Variants in PDGFA observed in about 807,000 individuals in gnomAD.
PDGFA encodes platelet derived growth factor subunit A, also known as platelet-derived growth factor subunit A.
In PDGFA, 9 loss-of-function variants were observed where a neutral mutation model predicts 25.6. The ratio of observed to expected loss-of-function variants is 0.35; its 90% CI spans 0.21 to 0.61. PDGFA has a LOEUF of 0.61. Ranked by LOEUF, PDGFA falls within the 20% of genes least tolerant of loss-of-function variation. The pLI, the probability that PDGFA is intolerant of heterozygous loss-of-function variation, is 0.75. For synonymous variants in PDGFA, 133 were observed against 111.8 expected (o/e 1.19, Z -1.20); for missense variants, 242 against 272.8 (o/e 0.89, Z 0.79).
chr7:502,616 G>A (rs1427627066), intron 4 of PDGFA, among the ~76,000 whole-genome samples: 1 of 152,170 alleles, frequency 6.6e-6, no homozygotes, highest in African/African-American at 2.4e-5. Context: ...TTGCCTGTCT[G>A]CGAGCCACGC....
At chr7:509,250 C>T (rs1021178781) in intron 4 of PDGFA, among the ~76,000 whole-genome samples, 4 of 152,208 alleles carry the variant, frequency 2.6e-5, no homozygotes, top group East Asian at 3.8e-4. Flanking sequence ...AAGGGGACGG[C>T]GTTAGGAGGT....
At chr7:504,201 C>A (rs1252439438) in intron 4 of PDGFA, among the ~76,000 whole-genome samples, 1 of 152,150 alleles carries the variant, frequency 6.6e-6, no homozygotes, top group East Asian at 1.9e-4. Flanking sequence ...ACCAACCCAC[C>A]CCCTGGTCCC....
intron 4 of PDGFA, among the ~76,000 whole-genome samples, chr7:502,022 C>T (rs1782361668): frequency 6.6e-6 from 1 of 152,110 alleles, no homozygotes; most frequent in Non-Finnish European, 1.5e-5. Flanking sequence ...TCCAGGGGTT[C>T]AAGACCAGCC....
chr7:499,720 T>TTCCCCCCCCCCCC (rs1562483075), intron 5 of PDGFA, among the ~76,000 whole-genome samples: 1 of 23,050 alleles, frequency 4.3e-5, no homozygotes, highest in Non-Finnish European at 8.4e-5. Context: ...ATTTTGCCCT[T>TTCCCCCCCCCCCC]CCCCCCCCCC....
chr7:519,902 G>GCC (rs1562495860), upstream of PDGFA: 3 of 50,958 alleles, frequency 5.9e-5, no homozygotes, highest in African/African-American at 9.1e-5. Context: ...CCCCTCCCCC[G>GCC]CCCCCGCCCC....
intron 4 of PDGFA, among the ~76,000 whole-genome samples, chr7:508,348 T>C (rs754228607): frequency 1.6e-4 from 24 of 151,824 alleles, no homozygotes; most frequent in Non-Finnish European, 3.4e-4. Flanking sequence ...CTCAGCTGAC[T>C]TGAGCCCAGG....
chr7:508,746 G>A (rs1410524837), intron 4 of PDGFA, among the ~76,000 whole-genome samples: 1 of 151,986 alleles, frequency 6.6e-6, no homozygotes, highest in Non-Finnish European at 1.5e-5. Flanking sequence ...AGTTTCCAGG[G>A]AGAAGAGCCC....
At chr7:501,019 A>G (rs755888466) in intron 5 of PDGFA, 97 bp downstream of exon 5, 4 of 1,609,266 alleles carry the variant, frequency 2.5e-6, no homozygotes, top group Admixed American at 1.7e-5. Context: ...TGCTCACAGC[A>G]GTAAGCGTTG....
chr7:498,687 G>C, intron 5 of PDGFA, 113 bp from the exon 6 acceptor site: 2 of 972,422 alleles, frequency 2.1e-6, no homozygotes, highest in Non-Finnish European at 3.2e-6. Flanking sequence ...CCAATCAGGG[G>C]CACACAGGGA....
intron 4 of PDGFA, 40 bp downstream of exon 4, chr7:510,769 G>T: frequency 2.3e-6 from 1 of 428,148 alleles, no homozygotes; most frequent in Non-Finnish European, 3.8e-6. Context: ...GAGAGGAGAG[G>T]AGGGGAGGGG....
intron 3 of PDGFA, among the ~76,000 whole-genome samples, chr7:511,432 A>AG (rs958308282): frequency 1.3e-5 from 2 of 148,308 alleles, no homozygotes; most frequent in Non-Finnish European, 1.5e-5. Flanking sequence ...CTGGGGGAGG[A>AG]GGGGGCCTTA....
Position 510,829 on chromosome 7 carries a change from C to T in PDGFA, c.433G>A (p.Val145Ile), listed in dbSNP as rs201258799. ...CTCACCTTGACGCTGCGGTGGTGGACGCGGGAGGGCTGGCACTTGACACTG... is the reference window on the plus strand; with the variant it reads ...CTCACCTTGACGCTGCGGTGGTGGATGCGGGAGGGCTGGCACTTGACACTG... The change falls in exon 4 of 6, where the codon GTC becomes ATC. Residue 145 changes from valine to isoleucine, a missense_variant. Val to Ile is a conservative substitution (Grantham distance 29). Transcript: ENST00000402802. The T allele has an allele frequency of 1.2e-3, 1,925 of 1,593,040 alleles. 5 individuals carry two copies. The highest frequency in any genetic ancestry group is 1.5e-3 in the Non-Finnish European group (1,773 of 1,172,462).
intron 5 of PDGFA, among the ~76,000 whole-genome samples, chr7:499,336 G>A (rs796744413): frequency 6.6e-5 from 10 of 152,338 alleles, no homozygotes; most frequent in African/African-American, 2.4e-4. Flanking sequence ...CTCATGAATG[G>A]ACCTCACCCG....
intron 4 of PDGFA, among the ~76,000 whole-genome samples, 153 bp from the exon 5 acceptor site, chr7:501,395 C>G (rs28376477): frequency 0.51 from 76,790 of 151,926 alleles, 19,598 homozygotes; most frequent in African/African-American, 0.55. Context: ...GGGAGTGTAG[C>G]AGTACCAGGT....
chr7:517,216 G>C lies in PDGFA; in HGVS notation c.160+178C>G, dbSNP rs966083007. Among the ~76,000 whole-genome samples the C allele has an allele frequency of 6.6e-6, 1 of 151,434 alleles. No individual in the cohort carries two copies. Among genetic ancestry groups the C allele is most frequent in the African/African-American group, 2.4e-5 (1 of 41,304 alleles). On this transcript the variant is annotated intron_variant, in intron 2 of 5. Coordinates refer to ENST00000402802, the Ensembl canonical transcript of PDGFA. This position sits in a 1 kb window ranked among gnomAD's most constrained non-coding sequence, Gnocchi z 7.4. ...GAGCAGCCCTCGGCCGCCGCTGGGA[G>C]AGAAAGTGGAGACTGGAAGAGAAAC...
At chr7:501,793 G>A (rs866826001) in intron 4 of PDGFA, among the ~76,000 whole-genome samples, 1 of 152,172 alleles carries the variant, frequency 6.6e-6, no homozygotes, top group Non-Finnish European at 1.5e-5. Context: ...CGTGTGCCTG[G>A]GGGGGCTGAA....
At position 517,765 on chromosome 7, in the gene PDGFA, G is replaced by A. The variant is rs1224816699; in HGVS notation, c.64-275C>T. ...TTTATATTTTCAGACAAAAGCCCCC[G>A]CACTCCGGCCCCTCCACCCGGGGTG... On this transcript the variant is annotated intron_variant, in intron 1 of 5. Transcript: ENST00000402802. The surrounding 1 kb of genome is among the most constrained non-coding windows in gnomAD (Gnocchi z 7.4). Among the ~76,000 whole-genome samples the A allele has an allele frequency of 1.5e-4, 20 of 135,104 alleles. No individual in the cohort carries two copies. Among genetic ancestry groups the A allele is most frequent in the Non-Finnish European group, 2.0e-4 (13 of 63,442 alleles). The allele number at this position is 135,104 out of a possible 152,430, so 88.6% of individuals were successfully genotyped here. A position where few individuals can be genotyped will look rare whatever the true frequency, so the allele number is the denominator to read the frequency against.
chr7:504,428 GTAAC>G (rs1782475111), intron 4 of PDGFA, among the ~76,000 whole-genome samples: 1 of 152,246 alleles, frequency 6.6e-6, no homozygotes, highest in East Asian at 1.9e-4. Context: ...CAGGTAGTAA[GTAAC>G]TAGGGATCCC....
At position 519,201 on chromosome 7, in the gene PDGFA, G is replaced by A. The variant is rs879214959; in HGVS notation, c.-200C>T. ...GAGAGGCAGGCAGCGCCAGCCAGGAGGAGGAGAAACAGGGAGTGCGCGCCC... is the reference window on the plus strand; with the variant it reads ...GAGAGGCAGGCAGCGCCAGCCAGGAAGAGGAGAAACAGGGAGTGCGCGCCC... On this transcript the variant is annotated 5_prime_UTR_variant, in exon 1 of 6. Coordinates refer to ENST00000402802, the Ensembl canonical transcript of PDGFA. 3.6e-5 allele frequency: 16 copies of A among 440,122 alleles called. No homozygotes were observed. In the South Asian group the frequency reaches 4.8e-4, roughly 13 times the overall value. The allele number at this position is 440,122 out of a possible 1,614,324, so 27.3% of individuals were successfully genotyped here.
Sources: gnomAD v4.1 joint callset for allele counts (sites outside exome capture counted in the v4.1 genomes callset) on GRCh38, gnomAD v4.1.1 for gene constraint, Gnocchi (gnomAD v3.1) non-coding constraint, MANE v1.5 for transcripts, NCBI Gene and HGNC (gene_info 2026-07-23, HGNC 2026-07-21) for gene names.